Variants in CNTNAP5 observed in about 807,000 individuals in gnomAD.
CNTNAP5 encodes contactin associated protein family member 5, also known as contactin-associated protein-like 5.
CNTNAP5 carries 72 observed loss-of-function variants against 150.2 expected under a neutral mutation model. That is an observed-to-expected ratio of 0.48 (90% CI 0.40 to 0.58). The LOEUF (loss-of-function observed/expected upper bound fraction) is 0.58, where lower values mean the gene tolerates loss of function less well. Ranked by LOEUF, CNTNAP5 falls within the 20% of genes least tolerant of loss-of-function variation. The pLI is 0.00. For synonymous variants in CNTNAP5, 672 were observed against 619.8 expected, an observed-to-expected ratio of 1.08 and a Z score of -1.25; for missense variants, 1,636 against 1,626.2, an observed-to-expected ratio of 1.01 and a Z score of -0.10.
intron 6 of CNTNAP5, among the ~76,000 whole-genome samples, chr2:124,470,298 C>T (rs752871525): frequency 1.3e-5 from 2 of 152,076 alleles, no homozygotes; most frequent in African/African-American, 2.4e-5. Context: ...TTGTGGTTTT[C>T]CTTTGGATTT....
chr2:124,360,118 G>C (rs1468916414), intron 3 of CNTNAP5, among the ~76,000 whole-genome samples: 2 of 144,180 alleles, frequency 1.4e-5, no homozygotes, highest in Non-Finnish European at 3.0e-5. Flanking sequence ...TCAGAGACTA[G>C]GATTGCAACC....
At chr2:124,806,769 C>G (rs184401521) in intron 19 of CNTNAP5, among the ~76,000 whole-genome samples, 1 of 152,254 alleles carries the variant, frequency 6.6e-6, no homozygotes, top group African/African-American at 2.4e-5. Context: ...GGTCAAGGGT[C>G]TCACAGCCGT....
chr2:124,282,729 A>G (rs1395023394), intron 3 of CNTNAP5, among the ~76,000 whole-genome samples: 1 of 152,144 alleles, frequency 6.6e-6, no homozygotes, highest in Non-Finnish European at 1.5e-5. Context: ...AGCCTTCAAA[A>G]ATGGTTTTCC....
chr2:124,588,210 TTCTTTCTTTC>T (rs1696597209), intron 11 of CNTNAP5, among the ~76,000 whole-genome samples: 1 of 148,632 alleles, frequency 6.7e-6, no homozygotes, highest in African/African-American at 2.5e-5. Flanking sequence ...CTTTCTTTCT[TTCTTTCTTTC>T]TTTCTTTCTT....
At chr2:124,571,423 G>A (rs1426105323) in intron 11 of CNTNAP5, among the ~76,000 whole-genome samples, 7 of 151,574 alleles carry the variant, frequency 4.6e-5, no homozygotes, top group Non-Finnish European at 7.4e-5. Flanking sequence ...AAAGTACTAC[G>A]GAAAGTGTAA....
rs560294828 is a variant in CNTNAP5, at chr2:124,349,794, T to C, written c.382-67649T>C. ...ATCAGCTCAGCCCTTTTTTAAATCA[T>C]TGGGAGCCTAATGCAGTGTAGCCAT... On this transcript the variant is annotated intron_variant, in intron 3 of 23. Coordinates refer to ENST00000682447, the MANE Select transcript of CNTNAP5 (RefSeq NM_001367498.1). Among the ~76,000 whole-genome samples, 15 of 151,436 alleles carry C rather than the reference T, an allele frequency of 9.9e-5. No homozygotes were observed. The South Asian group carries it at 1.0e-3, about 11-fold the overall frequency.
rs1486365250 is a variant in CNTNAP5 at position 124,764,133 on chromosome 2, G to A, written c.2519G>A (p.Arg840Gln). ...LENLGIKDFIRLEISSPSEIT... is the reference protein window; with the variant it reads ...LENLGIKDFIQLEISSPSEIT... Reference sequence around the variant, plus strand: ...AATCTTGGCATTAAAGACTTCATTCGACTCGAAATAAGCTGTAAGTGCCCT... The same window carrying A: ...AATCTTGGCATTAAAGACTTCATTCAACTCGAAATAAGCTGTAAGTGCCCT... Residue 840 changes from arginine (R) to glutamine (Q), a missense_variant, in exon 16 of 24, where the codon CGA becomes CAA. Coordinates refer to ENST00000682447, the MANE Select transcript of CNTNAP5 (RefSeq NM_001367498.1). The A allele has an allele frequency of 3.1e-6, 5 of 1,611,906 alleles. No homozygotes were observed. The highest frequency in any genetic ancestry group is 1.7e-5 in the Admixed American group (1 of 59,878).
At chr2:124,033,676 G>A (rs1329234914) in intron 1 of CNTNAP5, among the ~76,000 whole-genome samples, 1 of 64,322 alleles carries the variant, frequency 1.6e-5, no homozygotes, top group Admixed American at 2.0e-4. Flanking sequence ...ATGCAGGCCA[G>A]ACATGGGCCT....
intron 13 of CNTNAP5, among the ~76,000 whole-genome samples, chr2:124,707,910 C>A (rs1399632624): frequency 1.3e-5 from 2 of 152,156 alleles, no homozygotes; most frequent in African/African-American, 4.8e-5. Context: ...CAAATAACTT[C>A]ATATATACAA....
At chr2:124,398,980 T>A (rs1015174467) in intron 3 of CNTNAP5, among the ~76,000 whole-genome samples, 1 of 152,192 alleles carries the variant, frequency 6.6e-6, no homozygotes, top group Non-Finnish European at 1.5e-5. Context: ...TCTCAGAGTT[T>A]ACAGTAAATA....
intron 1 of CNTNAP5, among the ~76,000 whole-genome samples, chr2:124,204,977 G>A (rs1685826764): frequency 6.6e-6 from 1 of 152,184 alleles, no homozygotes; most frequent in African/African-American, 2.4e-5. Flanking sequence ...TCACTAAAAT[G>A]TAAGGGCCTA....
chr2:124,264,140 C>T (rs1472644185), intron 3 of CNTNAP5, among the ~76,000 whole-genome samples: 2 of 152,000 alleles, frequency 1.3e-5, no homozygotes, highest in Admixed American at 1.3e-4. Context: ...AAATGGAAAC[C>T]AGACTCCCCT....
intron 3 of CNTNAP5, among the ~76,000 whole-genome samples, chr2:124,398,154 T>A (rs1030676586): frequency 6.6e-6 from 1 of 152,212 alleles, no homozygotes; most frequent in Non-Finnish European, 1.5e-5. Flanking sequence ...GTGCCAGGGA[T>A]GCAAAATGAA....
chr2:124,555,428 G>A lies in CNTNAP5; in HGVS notation c.1650-7789G>A, dbSNP rs183437066. Among the ~76,000 whole-genome samples the A allele has an allele frequency of 1.6e-4, 24 of 152,260 alleles. No homozygotes were observed. In the South Asian group the frequency reaches 3.1e-3, roughly 20 times the overall value. The stretch of plus-strand genomic sequence containing the variant: ...AAGGTCTCCATAACATCCACAGTTG[G>A]CTGACCATGAAACCCATATCACTGT... On this transcript the variant is annotated intron_variant, in intron 10 of 23. Coordinates refer to ENST00000682447, the MANE Select transcript of CNTNAP5 (RefSeq NM_001367498.1).
Position 124,025,305 on chromosome 2 carries a change from C to T in CNTNAP5, c.-346C>T, listed in dbSNP as rs939758226. On this transcript the variant is annotated 5_prime_UTR_variant, in exon 1 of 24. Transcript: ENST00000682447. ...GGGTGCTGATTCCAGCTCTCGCGCC[C>T]GACGAGGTGGATTTGGCTGTCCACC... The T allele has an allele frequency of 7.1e-6, 2 of 280,484 alleles. No homozygotes were observed. Among genetic ancestry groups the T allele is most frequent in the Non-Finnish European group, 1.4e-5 (2 of 142,474 alleles). The allele number at this position is 280,484 out of a possible 1,614,324, so 17.4% of individuals were successfully genotyped here. A position where few individuals can be genotyped will look rare whatever the true frequency, so the allele number is the denominator to read the frequency against.
chr2:124,779,380 T>C lies in CNTNAP5; in HGVS notation c.2752+6363T>C, dbSNP rs1429313945. ...GCCCATTCATACTTTCTTTTTCTTC[T>C]GTCCAACCATAAGTATGGTTTCCAA... On this transcript the variant is annotated intron_variant, in intron 17 of 23. Coordinates refer to ENST00000682447, the MANE Select transcript of CNTNAP5 (RefSeq NM_001367498.1). Among the ~76,000 whole-genome samples the C allele has an allele frequency of 1.1e-4, 16 of 152,214 alleles. 1 individual carries two copies. Among genetic ancestry groups the C allele is most frequent in the Admixed American group, 1.0e-3 (16 of 15,280 alleles).
At chr2:124,660,314 T>C (rs1285082076) in intron 13 of CNTNAP5, among the ~76,000 whole-genome samples, 1 of 152,096 alleles carries the variant, frequency 6.6e-6, no homozygotes, top group Non-Finnish European at 1.5e-5. Flanking sequence ...ATGGAGGTGA[T>C]GCGTCATAGG....
chr2:124,155,027 A>G (rs564917770), intron 1 of CNTNAP5, among the ~76,000 whole-genome samples: 7 of 147,242 alleles, frequency 4.8e-5, no homozygotes. Flanking sequence ...TCTTTTTGAA[A>G]CTCTTCATGG....
chr2:124,583,678 A>G (rs1696464504), intron 11 of CNTNAP5, among the ~76,000 whole-genome samples: 1 of 152,200 alleles, frequency 6.6e-6, no homozygotes, highest in African/African-American at 2.4e-5. Flanking sequence ...GGAAGGGGGA[A>G]GGGAGGCTGC....
Sources: allele counts gnomAD v4.1 joint callset (sites outside exome capture counted in the v4.1 genomes callset), GRCh38; gene constraint gnomAD v4.1.1; transcripts MANE v1.5; gene names NCBI Gene and HGNC (gene_info 2026-07-23, HGNC 2026-07-21).